HDAC4: variants seen among roughly 807,000 people sequenced by gnomAD.
HDAC4 encodes the protein histone deacetylase A.
In HDAC4, 16 loss-of-function variants were observed where a neutral mutation model predicts 135.1. The ratio of observed to expected loss-of-function variants is 0.12; its 90% CI spans 0.08 to 0.18. The LOEUF is 0.18. Among genes scored for constraint, HDAC4 ranks in the 10% least tolerant of loss-of-function variants. The pLI, the probability that HDAC4 is intolerant of heterozygous loss-of-function variation, is 1.00. For synonymous variants in HDAC4, 685 were observed against 653.4 expected, an observed-to-expected ratio of 1.05 and a Z score of -0.74; for missense variants, 1,143 against 1,511.8, an observed-to-expected ratio of 0.76 and a Z score of 4.05.
In HDAC4 at chr2:239,134,710, A is replaced by G; in HGVS notation, c.979-67T>C. ...CCAAACATCAGCAATATACACCAAG[A>G]AAAACAACGATGAAAACACCTGCAC... On this transcript the variant is annotated intron_variant, in intron 9 of 26. Transcript: ENST00000543185. 3.5e-6 allele frequency: 4 copies of G among 1,158,398 alleles called. 1 individual carries two copies. The South Asian group carries it at 4.9e-5, about 14-fold the overall frequency. 71.8% of individuals were successfully genotyped at this position (1,158,398 alleles called of 1,614,324 possible). A position where few individuals can be genotyped will look rare whatever the true frequency, so the allele number is the denominator to read the frequency against.
intron 24 of HDAC4, among the ~76,000 whole-genome samples, chr2:239,064,832 T>A (rs924043977): frequency 6.6e-6 from 1 of 152,120 alleles, no homozygotes; most frequent in East Asian, 1.9e-4. Flanking sequence ...GCAGGAGGCG[T>A]CCTCTGCGAG....
At chr2:239,260,224 G>A (rs1250630727) in intron 2 of HDAC4, among the ~76,000 whole-genome samples, 1 of 152,130 alleles carries the variant, frequency 6.6e-6, no homozygotes, top group African/African-American at 2.4e-5. Context: ...TTGCACACAC[G>A]CACACACACA....
At chr2:239,239,952 G>A (rs1311734510) in intron 2 of HDAC4, among the ~76,000 whole-genome samples, 6 of 152,254 alleles carry the variant, frequency 3.9e-5, no homozygotes, top group Admixed American at 1.3e-4. Flanking sequence ...TGGAGGCCCC[G>A]TGAGCCCCAG....
rs746586174 is a variant in HDAC4, at chr2:239,115,163, C to T, written c.1681G>A (p.Val561Met). The change falls in exon 13 of 27, where the codon GTG (valine) becomes ATG (methionine). Residue 561 changes from valine (V) to methionine (M), a missense_variant. Val to Met is a conservative substitution (Grantham distance 21). Coordinates refer to ENST00000543185, the MANE Select transcript of HDAC4 (RefSeq NM_001378414.1). This position sits in a 1 kb window ranked among gnomAD's most constrained non-coding sequence, Gnocchi z 6.3. ...TCAATGGGCTCCTGCTTCACCTGCACGCCGGCCTGTGCGTGCGCCTCCTTC... is the reference window on the plus strand; with the variant it reads ...TCAATGGGCTCCTGCTTCACCTGCATGCCGGCCTGTGCGTGCGCCTCCTTC... The part of the protein sequence containing the change: ...GQKEAHAQAG[V>M]QVKQEPIESD... 64 of 1,611,298 alleles carry T rather than the reference C, an allele frequency of 4.0e-5. No individual in the cohort carries two copies. Among genetic ancestry groups the T allele is most frequent in the East Asian group, 1.8e-4 (8 of 44,874 alleles).
chr2:239,220,290 G>GGAAGT, intron 3 of HDAC4, among the ~76,000 whole-genome samples: 1 of 152,168 alleles, frequency 6.6e-6, no homozygotes, highest in Non-Finnish European at 1.5e-5. Flanking sequence ...GAAAATTGTA[G>GGAAGT]GAATTGCCTA....
intron 13 of HDAC4, among the ~76,000 whole-genome samples, chr2:239,112,451 C>T (rs1383395263): frequency 6.6e-6 from 1 of 152,222 alleles, no homozygotes; most frequent in Non-Finnish European, 1.5e-5. Flanking sequence ...AAAGCAGTAA[C>T]AGCCCATCAG....
intron 3 of HDAC4, among the ~76,000 whole-genome samples, chr2:239,221,763 G>C (rs1048636156): frequency 6.6e-6 from 1 of 152,164 alleles, no homozygotes; most frequent in African/African-American, 2.4e-5. Flanking sequence ...GTGGACGAGA[G>C]CCATTTTTAT....
chr2:239,251,764 A>G (rs534312566), intron 2 of HDAC4, among the ~76,000 whole-genome samples: 20 of 152,066 alleles, frequency 1.3e-4, no homozygotes, highest in African/African-American at 4.8e-4. Flanking sequence ...TAATCACATC[A>G]TTATTATTTA....
chr2:239,182,623 C>T (rs1043538386), intron 4 of HDAC4, among the ~76,000 whole-genome samples: 1 of 152,102 alleles, frequency 6.6e-6, no homozygotes, highest in South Asian at 2.1e-4. Flanking sequence ...GGGAGGCATT[C>T]CACCTTATTA....
intron 3 of HDAC4, among the ~76,000 whole-genome samples, chr2:239,200,723 C>T (rs2045703386): frequency 6.6e-6 from 1 of 152,024 alleles, no homozygotes; most frequent in Non-Finnish European, 1.5e-5. Context: ...TATGGATGTG[C>T]ACAGGGGAGG....
rs1306380007 is a variant in HDAC4 at position 239,299,459 on chromosome 2, G to C, written c.22+53219C>G. 1.3e-5 allele frequency among the ~76,000 whole-genome samples: 2 copies of C among 152,202 alleles called. No homozygotes were observed. Among genetic ancestry groups the C allele is most frequent in the Admixed American group, 6.5e-5 (1 of 15,282 alleles). ...TATTCTGATCCCCTCGCACAACCAC[G>C]GCACTGGGGTGCCGAAACCAGAAGA... On this transcript the variant is annotated intron_variant, in intron 2 of 26. Coordinates refer to ENST00000543185, the MANE Select transcript of HDAC4 (RefSeq NM_001378414.1). This position sits in a 1 kb window ranked among gnomAD's most constrained non-coding sequence, Gnocchi z 4.0.
chr2:239,200,777 C>T (rs1375190550), intron 3 of HDAC4, among the ~76,000 whole-genome samples: 2 of 151,896 alleles, frequency 1.3e-5, no homozygotes, highest in Admixed American at 1.3e-4. Context: ...GCGTCACAGG[C>T]AGATTGCATT....
chr2:239,176,933 T>C (rs2043813512), intron 4 of HDAC4, among the ~76,000 whole-genome samples: 1 of 152,066 alleles, frequency 6.6e-6, no homozygotes, highest in South Asian at 2.1e-4. Context: ...GGCACTTCCT[T>C]ATAAAGTTAA....
chr2:239,287,275 C>T (rs923647759), intron 2 of HDAC4, among the ~76,000 whole-genome samples: 8 of 152,194 alleles, frequency 5.3e-5, no homozygotes, highest in East Asian at 1.9e-4. Flanking sequence ...CCTTCGGCTG[C>T]GACGGTTTCT....
rs2041206361 is a variant in HDAC4 at position 239,139,573 on chromosome 2, C to T, written c.978+111G>A. ...GCTCACAGGCCACTTTCCCTCACCCCAAATTGGAAGGTGAAGAGTGAAGGG... is the reference window on the plus strand; with the variant it reads ...GCTCACAGGCCACTTTCCCTCACCCTAAATTGGAAGGTGAAGAGTGAAGGG... On this transcript the variant is annotated intron_variant, in intron 9 of 26. Transcript: ENST00000543185. The surrounding 1 kb of genome is among the most constrained non-coding windows in gnomAD (Gnocchi z 5.3). The T allele has an allele frequency of 3.0e-6, 3 of 1,012,914 alleles. No homozygotes were observed. In the Admixed American group the frequency reaches 5.1e-5, roughly 17 times the overall value. 62.7% of individuals were successfully genotyped at this position (1,012,914 alleles called of 1,614,324 possible). A position where few individuals can be genotyped will look rare whatever the true frequency, so the allele number is the denominator to read the frequency against.
At chr2:239,175,584 G>A (rs933821654) in intron 5 of HDAC4, among the ~76,000 whole-genome samples, 2 of 152,202 alleles carry the variant, frequency 1.3e-5, no homozygotes, top group African/African-American at 2.4e-5. Flanking sequence ...TACAAACACA[G>A]CCCCCACAGA....
chr2:239,326,649 G>A (rs2053478140), intron 2 of HDAC4, among the ~76,000 whole-genome samples: 1 of 152,142 alleles, frequency 6.6e-6, no homozygotes, highest in Non-Finnish European at 1.5e-5. Flanking sequence ...AAAGAATCAG[G>A]GATTGCTTTA....
intron 11 of HDAC4, among the ~76,000 whole-genome samples, chr2:239,130,771 C>T (rs2040521601): frequency 6.6e-6 from 1 of 152,216 alleles, no homozygotes; most frequent in African/African-American, 2.4e-5. Context: ...CATGCCTGTA[C>T]TACCAAGCTC....
chr2:239,066,905 C>T, intron 23 of HDAC4, 50 bp from the exon 24 acceptor site: 1 of 1,589,766 alleles, frequency 6.3e-7, no homozygotes, highest in Non-Finnish European at 8.6e-7. Flanking sequence ...GGACCGCAGC[C>T]AGCACAGCCC....
Sources: gnomAD v4.1 joint callset for allele counts (sites outside exome capture counted in the v4.1 genomes callset) on GRCh38, gnomAD v4.1.1 for gene constraint, Gnocchi (gnomAD v3.1) non-coding constraint, MANE v1.5 for transcripts, NCBI Gene and HGNC (gene_info 2026-07-23, HGNC 2026-07-21) for gene names.